The following TRPM4 variants were observed in gnomAD, a reference collection of about 807,000 sequenced individuals.
TRPM4 encodes transient receptor potential cation channel subfamily M member 4.
In TRPM4, 124 loss-of-function variants were observed where a neutral mutation model predicts 135.6. That is an observed-to-expected ratio of 0.91 (90% CI 0.79 to 1.06). The LOEUF (loss-of-function observed/expected upper bound fraction) is 1.06. TRPM4 is among the 50% of genes least tolerant of loss of function. The pLI is 0.00. For synonymous variants in TRPM4, 745 were observed against 705.6 expected, an observed-to-expected ratio of 1.06 and a Z score of -0.88; for missense variants, 1,658 against 1,671.4, an observed-to-expected ratio of 0.99 and a Z score of 0.14.
chr19:49,199,260 TTTTTG>T (rs1968822047), intron 17 of TRPM4, among the ~76,000 whole-genome samples: 1 of 150,496 alleles, frequency 6.6e-6, no homozygotes, highest in African/African-American at 2.5e-5. Context: ...TTGGTTTTTG[TTTTTG>T]TTTTTGTTTT....
chr19:49,176,170 C>T (rs1211188571), intron 9 of TRPM4, among the ~76,000 whole-genome samples: 3 of 151,716 alleles, frequency 2.0e-5, no homozygotes, highest in African/African-American at 4.8e-5. Context: ...GTGATCCACC[C>T]GCCTCGGCCT....
In TRPM4 at chr19:49,189,063, G is replaced by C. The variant is rs367897902; in HGVS notation, c.1991G>C (p.Arg664Pro). 1 of 1,614,048 alleles carries C rather than the reference G, an allele frequency of 6.2e-7. No homozygotes were observed. The highest frequency in any genetic ancestry group is 1.3e-5 in the African/African-American group (1 of 74,914). Residue 664 changes from arginine to proline, a missense_variant, in exon 14 of 25, where the codon CGT becomes CCT. Physicochemically the swap from Arg to Pro is moderately radical, Grantham distance 103. Transcript: ENST00000252826. ...CLQLAMQADA[R>P]AFFAQDGVQS... is the part of the protein sequence containing the mutation. ...CAGCTGGCCATGCAAGCTGACGCCC[G>C]TGCCTTCTTTGCCCAGGATGGGGTA... is the stretch of plus-strand genomic sequence containing the variant.
At chr19:49,168,903 A>G (rs1439378074) in intron 6 of TRPM4, among the ~76,000 whole-genome samples, 167 bp downstream of exon 6, 2 of 151,910 alleles carry the variant, frequency 1.3e-5, no homozygotes, top group Non-Finnish European at 2.9e-5. Context: ...AGAGTGAGTT[A>G]GCTCACATCA....
In TRPM4 at chr19:49,171,273, C is replaced by A; in HGVS notation, c.797-84C>A. On this transcript the variant is annotated intron_variant, in intron 6 of 24. Coordinates refer to ENST00000252826, the MANE Select transcript of TRPM4 (RefSeq NM_017636.4). This position sits in a 1 kb window ranked among gnomAD's most constrained non-coding sequence, Gnocchi z 4.7. ...AAGATTAGGACAAGGCTGATGTTTG[C>A]CGACTCCTGGGAAATGCGGTTTTCT... 1 of 1,449,152 alleles carries A rather than the reference C, an allele frequency of 6.9e-7. No individual in the cohort carries two copies. The highest frequency in any genetic ancestry group is 9.7e-7 in the Non-Finnish European group (1 of 1,029,944). The allele number at this position is 1,449,152 out of a possible 1,614,324, so 89.8% of individuals were successfully genotyped here. A position where few individuals can be genotyped will look rare whatever the true frequency, so the allele number is the denominator to read the frequency against.
At chr19:49,162,398 G>T (rs1966999257) in intron 2 of TRPM4, among the ~76,000 whole-genome samples, 1 of 152,036 alleles carries the variant, frequency 6.6e-6, no homozygotes, top group African/African-American at 2.4e-5. Context: ...AACTAGCCAG[G>T]TACTGTGGCA....
In TRPM4 at chr19:49,190,091, G is replaced by T. The variant is rs7256621; in HGVS notation, c.2020-117G>T. On this transcript the variant is annotated intron_variant, in intron 14 of 24. Coordinates refer to ENST00000252826, the MANE Select transcript of TRPM4 (RefSeq NM_017636.4). ...ACCGTTTCCCTACCTCAATAGTTGT[G>T]GCTGTGACATTGGGCACTTGCTCTG... is the stretch of plus-strand genomic sequence containing the variant. The T allele has an allele frequency of 0.026, 21,972 of 855,946 alleles. 359 individuals carry two copies. The highest frequency in any genetic ancestry group is 0.034 in the Non-Finnish European group (17,056 of 502,470). The allele number at this position is 855,946 out of a possible 1,614,324, so 53.0% of individuals were successfully genotyped here.
chr19:49,197,499 C>CCTTCCTTT (rs1336627674), intron 17 of TRPM4, among the ~76,000 whole-genome samples: 1 of 142,496 alleles, frequency 7.0e-6, no homozygotes, highest in African/African-American at 2.8e-5. Context: ...TTCCTTCCTT[C>CCTTCCTTT]CTTCCTTCCT....
chr19:49,159,340 A>AT (rs1002384429), intron 2 of TRPM4: 22 of 140,504 alleles, frequency 1.6e-4, no homozygotes, highest in East Asian at 6.3e-4. Flanking sequence ...AATTTTTTGT[A>AT]TTTTTTTTTT....
Position 49,210,162 on chromosome 19 carries a change from T to C in TRPM4, c.3132-47T>C, listed in dbSNP as rs370513005. The C allele has an allele frequency of 1.4e-4, 230 of 1,603,622 alleles. No individual in the cohort carries two copies. In the African/African-American group the frequency reaches 2.8e-3, roughly 20 times the overall value. ...GGCATCTAACCTTCGTCCTTGCCCC[T>C]GGCTGGGCCCTGACCTCAAGTGACC... is the stretch of plus-strand genomic sequence containing the variant. On this transcript the variant is annotated intron_variant, in intron 20 of 24. Coordinates refer to ENST00000252826, the MANE Select transcript of TRPM4 (RefSeq NM_017636.4). This position sits in a 1 kb window ranked among gnomAD's most constrained non-coding sequence, Gnocchi z 4.1.
intron 9 of TRPM4, among the ~76,000 whole-genome samples, chr19:49,174,144 T>TGTG (rs1967580643): frequency 6.7e-6 from 1 of 149,620 alleles, no homozygotes; most frequent in Non-Finnish European, 1.5e-5. Context: ...CAAGGAAAAG[T>TGTG]TGTGTGTGTG....
At chr19:49,193,147 C>G (rs1459348060) in intron 16 of TRPM4, among the ~76,000 whole-genome samples, 1 of 142,836 alleles carries the variant, frequency 7.0e-6, no homozygotes, top group African/African-American at 2.6e-5. Flanking sequence ...GTGGCATGAT[C>G]TCGGCTCACT....
rs1003004339 is a variant in TRPM4 at position 49,207,474 on chromosome 19, T to C, written c.3132-2735T>C. ...GTGAGACCTTATCTCAATAAAAAAA[T>C]AAAAAATTTGCCAGGCGTGGTGGTG... On this transcript the variant is annotated intron_variant, in intron 20 of 24. Transcript: ENST00000252826. 3.3e-5 allele frequency among the ~76,000 whole-genome samples: 5 copies of C among 151,084 alleles called. No individual in the cohort carries two copies. In the Admixed American group the frequency reaches 3.3e-4, roughly 10 times the overall value.
chr19:49,195,971 G>A (rs1285862816), intron 16 of TRPM4, among the ~76,000 whole-genome samples: 1 of 151,524 alleles, frequency 6.6e-6, no homozygotes, highest in Non-Finnish European at 1.5e-5. Flanking sequence ...CGATTCTCCC[G>A]CCTCAGCCTC....
intron 2 of TRPM4, 29 bp from the exon 3 acceptor site, chr19:49,166,012 G>T: frequency 6.4e-7 from 1 of 1,567,028 alleles, no homozygotes; most frequent in East Asian, 2.3e-5. Context: ...GGGCAGCCCT[G>T]GGTTCACGCT....
intron 16 of TRPM4, among the ~76,000 whole-genome samples, chr19:49,194,521 A>C (rs1403532887): frequency 1.3e-5 from 2 of 152,068 alleles, no homozygotes; most frequent in East Asian, 3.9e-4. Context: ...CTGGGATTAC[A>C]GGCATACACC....
intron 16 of TRPM4, among the ~76,000 whole-genome samples, chr19:49,192,772 C>G (rs1968458419): frequency 6.6e-6 from 1 of 151,882 alleles, no homozygotes; most frequent in Non-Finnish European, 1.5e-5. Flanking sequence ...ACAACAAACC[C>G]CCATGACACA....
chr19:49,206,081 C>T lies in TRPM4; in HGVS notation c.3131+3940C>T, dbSNP rs372238833. Among the ~76,000 whole-genome samples the T allele has an allele frequency of 3.9e-5, 6 of 152,270 alleles. No individual in the cohort carries two copies. In the East Asian group the frequency reaches 7.7e-4, roughly 20 times the overall value. On this transcript the variant is annotated intron_variant, in intron 20 of 24. Transcript: ENST00000252826. ...ATTCAAACGATTCTCCTAACTCAGC[C>T]TCCTGAGTAGCTGGGATTACAGGCA...
Position 49,196,626 on chromosome 19 carries a change from G to T in TRPM4, c.2397G>T (p.Arg799=). 1 of 1,552,484 alleles carries T rather than the reference G, an allele frequency of 6.4e-7. No homozygotes were observed. Among genetic ancestry groups the T allele is most frequent in the East Asian group, 2.4e-5 (1 of 41,696 alleles). The change falls in exon 17 of 25, where the codon CGG becomes CGT. Residue 799 remains arginine (R), a synonymous_variant. Transcript: ENST00000252826. ...SYLLFLLLFS[R]VLLVDFQPAP... is the part of the protein sequence containing the mutation. Reference sequence around the variant, plus strand: ...TGCTGTTCCTGCTGCTTTTCTCGCGGGTGCTGCTCGTGGATTTCCAGCCGG... The same window carrying T: ...TGCTGTTCCTGCTGCTTTTCTCGCGTGTGCTGCTCGTGGATTTCCAGCCGG...
chr19:49,190,250 A>G lies in TRPM4; in HGVS notation c.2062A>G (p.Thr688Ala), dbSNP rs1968359223. The G allele has an allele frequency of 1.2e-6, 2 of 1,614,002 alleles. No individual in the cohort carries two copies. Among genetic ancestry groups the G allele is most frequent in the Non-Finnish European group, 1.7e-6 (2 of 1,180,034 alleles). Residue 688 changes from threonine to alanine, a missense_variant, in exon 15 of 25, where the codon ACA (threonine) becomes GCA (alanine). Around this residue, in one of 3 missense-constraint regions of TRPM4, gnomAD observed 1,412 missense variants for 1,408.7 expected, o/e 1.00. Transcript: ENST00000252826. ...QKWWGDMAST[T>A]PIWALVLAFF... ...GTGGTGGGGAGATATGGCCAGCACT[A>G]CACCCATCTGGGCCCTGGTTCTCGC...
Sources: gnomAD v4.1 joint callset for allele counts (sites outside exome capture counted in the v4.1 genomes callset) on GRCh38, gnomAD v4.1.1 for gene constraint, gnomAD v4.1.1 regional missense constraint, Gnocchi (gnomAD v3.1) non-coding constraint, MANE v1.5 for transcripts, NCBI Gene and HGNC (gene_info 2026-07-23, HGNC 2026-07-21) for gene names.